The following OTOG variants were observed in gnomAD, a reference collection of about 807,000 sequenced individuals.
The protein encoded by OTOG is otogelin.
OTOG carries 296 observed loss-of-function variants against 313.8 expected under a neutral mutation model. The ratio of observed to expected loss-of-function variants is 0.94; its 90% CI spans 0.86 to 1.04. OTOG has a LOEUF of 1.04. Ranked by LOEUF, OTOG falls within the 50% of genes least tolerant of loss-of-function variation. The pLI, the probability that OTOG is intolerant of heterozygous loss-of-function variation, is 0.00. For synonymous variants in OTOG, 1,533 were observed against 1,554.9 expected, an observed-to-expected ratio of 0.99 and a Z score of 0.33; for missense variants, 3,948 against 3,840.1, an observed-to-expected ratio of 1.03 and a Z score of -0.74.
At chr11:17,549,447 C>A (rs376733818) in intron 3 of OTOG, among the ~76,000 whole-genome samples, 6 of 152,342 alleles carry the variant, frequency 3.9e-5, no homozygotes, top group African/African-American at 1.4e-4. Flanking sequence ...GGATCTTTTA[C>A]TTCTTCTTTG....
chr11:17,615,831 G>A (rs2134103011), intron 39 of OTOG, among the ~76,000 whole-genome samples: 1 of 152,250 alleles, frequency 6.6e-6, no homozygotes, highest in East Asian at 1.9e-4. Flanking sequence ...GGGAGGCTGA[G>A]GCAGGAAAAT....
In OTOG at chr11:17,634,179, G is replaced by T. The variant is rs1854202719; in HGVS notation, c.7378G>T (p.Asp2460Tyr). The T allele has an allele frequency of 6.5e-7, 1 of 1,550,216 alleles. No individual in the cohort carries two copies. The highest frequency in any genetic ancestry group is 1.2e-5 in the South Asian group (1 of 84,042). Reference protein sequence around the residue: ...CQAPDTIVPVDLGCPSPRPES... With the variant: ...CQAPDTIVPVYLGCPSPRPES... Reference sequence around the variant, plus strand: ...AGCCCCAGACACCATTGTCCCGGTGGATCTGGGCTGCCCCAGTCCCCGCCC... The same window carrying T: ...AGCCCCAGACACCATTGTCCCGGTGTATCTGGGCTGCCCCAGTCCCCGCCC... The change falls in exon 44 of 56, where the codon GAT becomes TAT. Residue 2460 changes from aspartate (D) to tyrosine (Y), a missense_variant. Physicochemically the swap from Asp to Tyr is radical, Grantham distance 160 (BLOSUM62 -3). Coordinates refer to ENST00000399397, the MANE Select transcript of OTOG (RefSeq NM_001292063.2).
intron 6 of OTOG, among the ~76,000 whole-genome samples, chr11:17,554,459 A>T (rs1231445613): frequency 6.6e-6 from 1 of 152,202 alleles, no homozygotes; most frequent in Admixed American, 6.5e-5. Context: ...TGTGTGCTAA[A>T]CTGGGAGTCA....
chr11:17,638,336 G>C (rs1565129664), intron 47 of OTOG, 115 bp from the exon 48 acceptor site: 2 of 882,140 alleles, frequency 2.3e-6, no homozygotes, highest in Non-Finnish European at 3.4e-6. Context: ...GAGGACAGTG[G>C]GGGTCACTAA....
At chr11:17,569,073 G>A (rs1590006684) in intron 15 of OTOG, 83 bp from the exon 16 acceptor site, 1 of 1,463,386 alleles carries the variant, frequency 6.8e-7, no homozygotes, top group Non-Finnish European at 9.3e-7. Context: ...AGCTGGGCTG[G>A]GGTCTCTGTC....
At chr11:17,637,888 C>G (rs1362983565) in intron 47 of OTOG, among the ~76,000 whole-genome samples, 1 of 152,208 alleles carries the variant, frequency 6.6e-6, no homozygotes, top group African/African-American at 2.4e-5. Context: ...ACCCTCGCCC[C>G]TCCCCTATCC....
Position 17,610,995 on chromosome 11 carries a change from T to C in OTOG, c.5695T>C (p.Ser1899Pro). The C allele has an allele frequency of 2.6e-6, 4 of 1,550,550 alleles. No individual in the cohort carries two copies. The South Asian group carries it at 4.8e-5, about 18-fold the overall frequency. Reference sequence around the variant, plus strand: ...GGCTGAGGGCACGGCCTCCATGGTATCTGTTGTCCCACGAAAGAGCACCAC... The same window carrying C: ...GGCTGAGGGCACGGCCTCCATGGTACCTGTTGTCCCACGAAAGAGCACCAC... ...PVAEGTASMVSVVPRKSTTGK... is the reference protein window; with the variant it reads ...PVAEGTASMVPVVPRKSTTGK... The change falls in exon 36 of 56, where the codon TCT (serine) becomes CCT (proline). Residue 1899 changes from serine to proline, a missense_variant. Coordinates refer to ENST00000399397, the MANE Select transcript of OTOG (RefSeq NM_001292063.2).
intron 39 of OTOG, among the ~76,000 whole-genome samples, chr11:17,626,608 T>C (rs1853991734): frequency 6.6e-6 from 1 of 152,244 alleles, no homozygotes; most frequent in African/African-American, 2.4e-5. Flanking sequence ...TTCTGGGTCT[T>C]TTATAATTCC....
Position 17,576,594 on chromosome 11 carries a change from C to T in OTOG, c.2525C>T (p.Pro842Leu), listed in dbSNP as rs560987450. The T allele has an allele frequency of 6.4e-7, 1 of 1,550,506 alleles. No individual in the cohort carries two copies. Among genetic ancestry groups the T allele is most frequent in the South Asian group, 1.2e-5 (1 of 84,054 alleles). Reference protein sequence around the residue: ...CSCHFQGVDYPPGDSDIPSLG... With the variant: ...CSCHFQGVDYLPGDSDIPSLG... ...TGCCACTTCCAGGGAGTGGACTATC[C>T]CCCCGGAGACAGTGACATCCCATCC... The change falls in exon 21 of 56, where the codon CCC (proline) becomes CTC (leucine). Residue 842 changes from proline (P) to leucine (L), a missense_variant. By Grantham distance (98) the Pro-to-Leu change is moderately conservative. Transcript: ENST00000399397.
intron 23 of OTOG, among the ~76,000 whole-genome samples, chr11:17,584,373 G>A (rs757671489): frequency 4.6e-5 from 7 of 152,228 alleles, no homozygotes; most frequent in East Asian, 3.9e-4. Flanking sequence ...CATTGCCTTC[G>A]TCTTGTTTTG....
Position 17,638,368 on chromosome 11 carries a change from T to C in OTOG, c.7796-83T>C, listed in dbSNP as rs1160685738. 4.2e-6 allele frequency: 5 copies of C among 1,191,806 alleles called. No individual in the cohort carries two copies. The African/African-American group carries it at 7.6e-5, about 18-fold the overall frequency. 73.8% of individuals were successfully genotyped at this position (1,191,806 alleles called of 1,614,324 possible). Reference sequence around the variant, plus strand: ...CTAAGGAGGAGCTGGGGGTAGCCTCTCTTTAGCCAGTGTTGCCCTTCTGAG... The same window carrying C: ...CTAAGGAGGAGCTGGGGGTAGCCTCCCTTTAGCCAGTGTTGCCCTTCTGAG... On this transcript the variant is annotated intron_variant, in intron 47 of 55. Coordinates refer to ENST00000399397, the MANE Select transcript of OTOG (RefSeq NM_001292063.2).
chr11:17,631,945 A>C, intron 41 of OTOG, 23 bp downstream of exon 41: 1 of 1,547,732 alleles, frequency 6.5e-7, no homozygotes, highest in Non-Finnish European at 8.7e-7. Flanking sequence ...TGGGTCCAGC[A>C]CTGGGGACAC....
At position 17,593,575 on chromosome 11, in the gene OTOG, C is replaced by A. The variant is rs1026957454; in HGVS notation, c.3142-35C>A. Reference sequence around the variant, plus strand: ...TAGCTGACCTGGGCGCTAGGGGGCACTTGGGCTCAGGACTGACCATCTCTG... The same window carrying A: ...TAGCTGACCTGGGCGCTAGGGGGCAATTGGGCTCAGGACTGACCATCTCTG... On this transcript the variant is annotated intron_variant, in intron 26 of 55. Transcript: ENST00000399397. 4.1e-5 allele frequency: 63 copies of A among 1,543,314 alleles called. No individual in the cohort carries two copies. In the Admixed American group the frequency reaches 1.2e-3, roughly 30 times the overall value.
intron 31 of OTOG, among the ~76,000 whole-genome samples, chr11:17,601,137 C>T (rs1389351807): frequency 2.6e-5 from 4 of 152,198 alleles, no homozygotes; most frequent in African/African-American, 2.4e-5. Flanking sequence ...CCAGCACAGC[C>T]AGCACTGCTT....
At chr11:17,583,060 G>T (rs1465299661) in intron 23 of OTOG, among the ~76,000 whole-genome samples, 3 of 151,702 alleles carry the variant, frequency 2.0e-5, no homozygotes, top group African/African-American at 4.8e-5. Context: ...AGTCCTCAAG[G>T]TTGCAAAGAT....
chr11:17,601,996 G>T (rs544514607), intron 31 of OTOG, among the ~76,000 whole-genome samples: 1 of 152,308 alleles, frequency 6.6e-6, no homozygotes, highest in African/African-American at 2.4e-5. Context: ...ACTGTGCAGT[G>T]GGTCTGTTCC....
rs1342526449 is a variant in OTOG at position 17,633,736 on chromosome 11, C to T, written c.7129C>T (p.Pro2377Ser). The change falls in exon 43 of 56, where the codon CCC (proline) becomes TCC (serine). Residue 2377 changes from proline to serine, a missense_variant. Transcript: ENST00000399397. The part of the protein sequence containing the change: ...YQACVTACEP[P>S]KTCQDGILGP... The stretch of plus-strand genomic sequence containing the variant: ...GGCATGTGTGACAGCCTGTGAGCCA[C>T]CCAAGACATGCCAGGATGGGATACT... The T allele has an allele frequency of 6.5e-7, 1 of 1,550,216 alleles. No individual in the cohort carries two copies. The highest frequency in any genetic ancestry group is 8.7e-7 in the Non-Finnish European group (1 of 1,146,888).
In OTOG at chr11:17,558,519, T is replaced by C; in HGVS notation, c.997-19T>C. 6.5e-7 allele frequency: 1 copy of C among 1,550,258 alleles called. No individual in the cohort carries two copies. On this transcript the variant is annotated intron_variant, in intron 9 of 55. Coordinates refer to ENST00000399397, the MANE Select transcript of OTOG (RefSeq NM_001292063.2). ...GGCTTTGCCAGCCCCTAGCCCTGGCTCCTGGTCCCTTGCTCTAGGGCGTGT... is the reference window on the plus strand; with the variant it reads ...GGCTTTGCCAGCCCCTAGCCCTGGCCCCTGGTCCCTTGCTCTAGGGCGTGT...
Position 17,635,648 on chromosome 11 carries a change from G to A in OTOG, c.7732G>A (p.Glu2578Lys). The A allele has an allele frequency of 6.4e-7, 1 of 1,550,582 alleles. No individual in the cohort carries two copies. The stretch of plus-strand genomic sequence containing the variant: ...TCCAGACTCCATCCCCGAATGTCAA[G>A]AAGGGGAGGCGCTCACTGTGCACAG... ...DCPDSIPECQ[E>K]GEALTVHRNT... is the part of the protein sequence containing the mutation. The change falls in exon 47 of 56, where the codon GAA becomes AAA. Residue 2578 changes from glutamate to lysine, a missense_variant. By Grantham distance (56) the Glu-to-Lys change is moderately conservative (BLOSUM62 1). Coordinates refer to ENST00000399397, the MANE Select transcript of OTOG (RefSeq NM_001292063.2).
Sources: gnomAD v4.1 joint callset for allele counts (sites outside exome capture counted in the v4.1 genomes callset) on GRCh38, gnomAD v4.1.1 for gene constraint, MANE v1.5 for transcripts, NCBI Gene and HGNC (gene_info 2026-07-23, HGNC 2026-07-21) for gene names.